The following CUX1 variants were observed in gnomAD, a reference collection of about 807,000 sequenced individuals.
CUX1 encodes the protein cut like homeobox 1.
A neutral mutation model predicts 158.8 loss-of-function variants in CUX1; 31 were observed. The observed-to-expected ratio is 0.20, with a 90% CI of 0.15 to 0.26. The LOEUF (loss-of-function observed/expected upper bound fraction) is 0.26. Ranked by LOEUF, CUX1 falls within the 10% of genes least tolerant of loss-of-function variation. The probability of loss-of-function intolerance (pLI) is 1.00; values close to 1 mark genes in which losing one functional copy is unlikely to be tolerated. For synonymous variants in CUX1, 879 were observed against 862.1 expected, an observed-to-expected ratio of 1.02 and a Z score of -0.34; for missense variants, 1,589 against 2,014.6, an observed-to-expected ratio of 0.79 and a Z score of 4.04.
At chr7:101,846,598 G>C (rs1795716360) in intron 1 of CUX1, among the ~76,000 whole-genome samples, 2 of 152,102 alleles carry the variant, frequency 1.3e-5, no homozygotes, top group Admixed American at 1.3e-4. Context: ...AAAGTGCTAG[G>C]ATTGCCAGCG....
At chr7:101,909,266 G>A (rs914387524) in intron 1 of CUX1, among the ~76,000 whole-genome samples, 8 of 151,622 alleles carry the variant, frequency 5.3e-5, no homozygotes, top group African/African-American at 1.7e-4. Flanking sequence ...TTGGGAGGCC[G>A]AGGCGGGAGG....
chr7:102,265,886 G>A lies in CUX1; in HGVS notation c.1256-7480G>A, dbSNP rs550139578. Among the ~76,000 whole-genome samples, 54 of 152,026 alleles carry A rather than the reference G, an allele frequency of 3.6e-4. 1 individual carries two copies. In the South Asian group the frequency reaches 9.6e-3, roughly 27 times the overall value. ...AGTGGTAAAAAGAGACTGGATTCTG[G>A]AGATATTTTGAAAGTAGAGCCAAAA... On this transcript the variant is annotated intron_variant, in intron 14 of 22. Coordinates refer to the CUX1 transcript ENST00000292538.
rs115334467 is a variant in CUX1, at chr7:101,908,262, C to T, written c.31-7853C>T. 2.2e-3 allele frequency among the ~76,000 whole-genome samples: 337 copies of T among 152,328 alleles called. 2 individuals carry two copies. Among genetic ancestry groups the T allele is most frequent in the African/African-American group, 7.8e-3 (324 of 41,590 alleles). On this transcript the variant is annotated intron_variant, in intron 1 of 23. Coordinates refer to ENST00000292535, the MANE Select transcript of CUX1 (RefSeq NM_181552.4). ...GTGTTTTTACACTTCCATTACTGAG[C>T]ACAGGCTCACAGGATGGCACTTTCC...
At chr7:101,834,995 C>CATAA (rs60371062) in intron 1 of CUX1, among the ~76,000 whole-genome samples, 2,397 of 149,030 alleles carry the variant, frequency 0.016, 34 homozygotes, top group South Asian at 0.058. Flanking sequence ...GACTCTGTGT[C>CATAA]ATAAATAAAT....
intron 8 of CUX1, chr7:102,125,481 C>G (rs1261280620): frequency 1.3e-5 from 2 of 152,140 alleles, no homozygotes; most frequent in Non-Finnish European, 2.9e-5. Context: ...CTGGGAGGGC[C>G]TTGGCCATGC....
Position 102,134,991 on chromosome 7 carries a change from C to G in CUX1, c.674+19718C>G, listed in dbSNP as rs549767396. ...ATTCTACACGTATTCTGGATTTTAG[C>G]TACTCACATTTATGGTTACTTTTAC... is the stretch of plus-strand genomic sequence containing the variant. On this transcript the variant is annotated intron_variant, in intron 8 of 23. Transcript: ENST00000292535. 2.0e-4 allele frequency among the ~76,000 whole-genome samples: 31 copies of G among 152,230 alleles called. No homozygotes were observed. The East Asian group carries it at 5.6e-3, about 27-fold the overall frequency.
intron 1 of CUX1, among the ~76,000 whole-genome samples, chr7:101,839,220 A>G (rs1022821813): frequency 3.3e-5 from 5 of 152,282 alleles, no homozygotes; most frequent in African/African-American, 4.8e-5. Context: ...TGGACAACAC[A>G]GTTCAGTCCG....
chr7:102,034,667 C>G (rs190757514), intron 3 of CUX1, among the ~76,000 whole-genome samples: 1 of 151,208 alleles, frequency 6.6e-6, no homozygotes, highest in Non-Finnish European at 1.5e-5. Flanking sequence ...GCAGGAGAAT[C>G]ACTTGAACCA....
At chr7:101,978,464 A>G (rs542430891) in intron 2 of CUX1, among the ~76,000 whole-genome samples, 1 of 152,322 alleles carries the variant, frequency 6.6e-6, no homozygotes, top group East Asian at 1.9e-4. Context: ...GCTCCCAGCT[A>G]CACGCTGTCA....
intron 14 of CUX1, among the ~76,000 whole-genome samples, chr7:102,266,637 G>A (rs545868202): frequency 1.3e-5 from 2 of 152,152 alleles, no homozygotes; most frequent in African/African-American, 4.8e-5. Flanking sequence ...AAGAAGCTTA[G>A]CAGGGAGGGC....
At chr7:102,283,857 C>T (rs948554680) in exon 23 of CUX1, 1 of 152,276 alleles carries the variant, frequency 6.6e-6, no homozygotes, top group African/African-American at 2.4e-5. Context: ...GTGGACCACC[C>T]TAGCACGGCC....
chr7:102,170,956 T>G (rs1791649738), intron 10 of CUX1, among the ~76,000 whole-genome samples: 1 of 140,386 alleles, frequency 7.1e-6, no homozygotes, highest in Admixed American at 7.1e-5. Context: ...GAGGAACAGT[T>G]CAGGATGAGC....
intron 2 of CUX1, among the ~76,000 whole-genome samples, chr7:101,965,815 G>C (rs977571246): frequency 7.0e-4 from 83 of 118,548 alleles, no homozygotes; most frequent in Admixed American, 2.5e-3. Context: ...CACCACTGCA[G>C]TCCAGCCTGG....
chr7:101,856,393 T>C (rs1796824370), intron 1 of CUX1, among the ~76,000 whole-genome samples: 1 of 152,084 alleles, frequency 6.6e-6, no homozygotes, highest in Non-Finnish European at 1.5e-5. Flanking sequence ...TCTTAATTGT[T>C]TATCCAAGTT....
At chr7:101,855,945 T>C (rs1214034937) in intron 1 of CUX1, among the ~76,000 whole-genome samples, 1 of 149,780 alleles carries the variant, frequency 6.7e-6, no homozygotes, top group African/African-American at 2.5e-5. Flanking sequence ...GTTGGGAGGC[T>C]GAGGCGGGAG....
rs368587939 is a variant in CUX1 at position 102,090,367 on chromosome 7, GT to G, written c.269-6986del. Among the ~76,000 whole-genome samples, 1,282 of 144,904 alleles carry G rather than the reference GT, an allele frequency of 8.8e-3. 19 individuals are homozygous for G. Among genetic ancestry groups the G allele is most frequent in the African/African-American group, 0.03 (1,213 of 39,954 alleles). Reference sequence around the variant, plus strand: ...GTCAATTTTCATTTTCCATGATACCGTTTTTTTTTTTGTTTTTTTGTTTTGT... The same window carrying G: ...GTCAATTTTCATTTTCCATGATACCGTTTTTTTTTTGTTTTTTTGTTTTGT... On this transcript the variant is annotated intron_variant, in intron 4 of 23. Coordinates refer to ENST00000292535, the MANE Select transcript of CUX1 (RefSeq NM_181552.4).
Position 101,817,731 on chromosome 7 carries a change from G to C in CUX1, c.30+62G>C, listed in dbSNP as rs1792030440. The C allele has an allele frequency of 2.0e-6, 3 of 1,536,498 alleles. No individual in the cohort carries two copies. Among genetic ancestry groups the C allele is most frequent in the Non-Finnish European group, 2.6e-6 (3 of 1,139,910 alleles). On this transcript the variant is annotated intron_variant, in intron 1 of 23. Transcript: ENST00000292535. This position sits in a 1 kb window ranked among gnomAD's most constrained non-coding sequence, Gnocchi z 4.1. The stretch of plus-strand genomic sequence containing the variant: ...GGCGCGGAGGGAACCGGGGATGTCG[G>C]GGGGTGCCCGGGTCCCGCGGCTTAG...
At chr7:101,939,547 T>C (rs1210183066) in intron 2 of CUX1, among the ~76,000 whole-genome samples, 1 of 151,918 alleles carries the variant, frequency 6.6e-6, no homozygotes, top group Non-Finnish European at 1.5e-5. Flanking sequence ...GAAGGAGGTT[T>C]TGGGCCAGGT....
intron 14 of CUX1, among the ~76,000 whole-genome samples, chr7:102,268,202 C>T (rs1383728651): frequency 1.3e-5 from 2 of 152,164 alleles, no homozygotes. Context: ...CAAAATCTGT[C>T]CCTCTCTCCT....
Sources: allele counts gnomAD v4.1 joint callset (sites outside exome capture counted in the v4.1 genomes callset), GRCh38; gene constraint gnomAD v4.1.1; non-coding constraint Gnocchi (gnomAD v3.1); transcripts MANE v1.5; gene names NCBI Gene and HGNC (gene_info 2026-07-23, HGNC 2026-07-21).